The following SNTG1 variants were observed in gnomAD, a reference collection of about 807,000 sequenced individuals.
SNTG1 encodes syntrophin gamma 1, also known as gamma-1-syntrophin.
SNTG1 carries 39 observed loss-of-function variants against 74.7 expected under a neutral mutation model. That is an observed-to-expected ratio of 0.52 (90% CI 0.40 to 0.68). The LOEUF (loss-of-function observed/expected upper bound fraction) is 0.68. Ranked by LOEUF, SNTG1 falls within the 30% of genes least tolerant of loss-of-function variation. The pLI, the probability that SNTG1 is intolerant of heterozygous loss-of-function variation, is 0.00. For missense variants in SNTG1, 685 were observed against 609.5 expected (o/e 1.12, Z -1.30); for synonymous variants, 254 against 217.1 (o/e 1.17, Z -1.49).
At chr8:50,687,720 C>G (rs6992531) in intron 15 of SNTG1, among the ~76,000 whole-genome samples, 15,584 of 152,226 alleles carry the variant, frequency 0.1, 2,243 homozygotes, top group African/African-American at 0.32. Flanking sequence ...ATCCCTCCCC[C>G]CTCGCCCCAC....
intron 4 of SNTG1, among the ~76,000 whole-genome samples, chr8:50,434,267 A>G (rs768113589): frequency 1.3e-5 from 2 of 151,950 alleles, no homozygotes; most frequent in Non-Finnish European, 2.9e-5. Flanking sequence ...TGTGTGCCAC[A>G]TTTTCTTAAT....
At chr8:50,635,032 A>T (rs1378948267) in intron 13 of SNTG1, among the ~76,000 whole-genome samples, 2 of 152,098 alleles carry the variant, frequency 1.3e-5, no homozygotes, top group South Asian at 4.1e-4. Flanking sequence ...GCTCCTCCCA[A>T]ATGTAAAATA....
At chr8:50,780,533 TG>T (rs944444779) in intron 18 of SNTG1, among the ~76,000 whole-genome samples, 46 of 152,232 alleles carry the variant, frequency 3.0e-4, no homozygotes, top group Non-Finnish European at 5.9e-4. Context: ...TGTATTTCTG[TG>T]GGATTGGTGG....
At chr8:50,688,296 A>G (rs1426131363) in intron 15 of SNTG1, among the ~76,000 whole-genome samples, 2 of 152,088 alleles carry the variant, frequency 1.3e-5, no homozygotes, top group African/African-American at 4.8e-5. Context: ...TTTTGTTGCC[A>G]TTGCTTTTGG....
At chr8:50,483,288 A>T (rs2093756051) in intron 8 of SNTG1, among the ~76,000 whole-genome samples, 1 of 152,210 alleles carries the variant, frequency 6.6e-6, no homozygotes, top group Non-Finnish European at 1.5e-5. Context: ...GTGACTATGA[A>T]GTGATAGAAT....
intron 13 of SNTG1, among the ~76,000 whole-genome samples, chr8:50,623,688 TA>T (rs200591252): frequency 0.043 from 6,543 of 152,060 alleles, 242 homozygotes; most frequent in African/African-American, 0.094. Flanking sequence ...TATTTGAAAA[TA>T]TTTGTTTTTA....
intron 13 of SNTG1, 24 bp from the exon 14 acceptor site, chr8:50,656,885 T>G: frequency 6.7e-7 from 1 of 1,484,786 alleles, no homozygotes; most frequent in Non-Finnish European, 9.4e-7. Context: ...TTTTGACAGT[T>G]GATTGTATTC....
At chr8:50,052,102 C>T (rs774672257) in intron 1 of SNTG1, among the ~76,000 whole-genome samples, 12 of 151,588 alleles carry the variant, frequency 7.9e-5, no homozygotes, top group Admixed American at 2.6e-4. Flanking sequence ...GAAACAATTC[C>T]AAAAAGATAG....
At chr8:50,636,187 C>A (rs185523261) in intron 13 of SNTG1, among the ~76,000 whole-genome samples, 1 of 150,866 alleles carries the variant, frequency 6.6e-6, no homozygotes, top group Non-Finnish European at 1.5e-5. Context: ...TCTCCCCTCT[C>A]CTCTCCTCAA....
intron 1 of SNTG1, among the ~76,000 whole-genome samples, chr8:50,142,590 T>C (rs761087013): frequency 1.3e-5 from 2 of 152,040 alleles, no homozygotes; most frequent in Admixed American, 6.6e-5. Flanking sequence ...TTGATAACAT[T>C]GTAGTTAGGT....
At chr8:50,732,617 A>G (rs1279005046) in intron 17 of SNTG1, among the ~76,000 whole-genome samples, 3 of 151,876 alleles carry the variant, frequency 2.0e-5, no homozygotes, top group Admixed American at 1.3e-4. Context: ...ATTTTTATAA[A>G]TGGAATTTCT....
chr8:49,910,478 C>A (rs1805524671), upstream of SNTG1, among the ~76,000 whole-genome samples: 1 of 152,172 alleles, frequency 6.6e-6, no homozygotes, highest in Non-Finnish European at 1.5e-5. Flanking sequence ...TTCAAAGGTC[C>A]ACATGGCCCT....
chr8:50,587,151 G>A (rs897328951), intron 12 of SNTG1, among the ~76,000 whole-genome samples: 8 of 150,268 alleles, frequency 5.3e-5, no homozygotes, highest in African/African-American at 1.9e-4. Context: ...GTATATATAT[G>A]CATATATAAA....
At chr8:50,560,856 TC>T (rs1454711389) in intron 12 of SNTG1, among the ~76,000 whole-genome samples, 3 of 151,852 alleles carry the variant, frequency 2.0e-5, no homozygotes, top group Non-Finnish European at 4.4e-5. Flanking sequence ...CTACACATGT[TC>T]CCCAGAACTT....
At chr8:50,395,945 G>A (rs945680105) in intron 3 of SNTG1, among the ~76,000 whole-genome samples, 5 of 152,152 alleles carry the variant, frequency 3.3e-5, no homozygotes, top group African/African-American at 9.7e-5. Context: ...AGATACTTAT[G>A]GGACACATGA....
intron 4 of SNTG1, among the ~76,000 whole-genome samples, chr8:50,418,796 G>A (rs2093045399): frequency 6.6e-6 from 1 of 152,020 alleles, no homozygotes; most frequent in South Asian, 2.1e-4. Context: ...AAATGGATAT[G>A]TCATCTTTCC....
intron 4 of SNTG1, among the ~76,000 whole-genome samples, chr8:50,431,599 G>A (rs1402001721): frequency 1.3e-5 from 2 of 152,030 alleles, no homozygotes; most frequent in Non-Finnish European, 2.9e-5. Context: ...TTAAGACTAG[G>A]GTTAGCTTTG....
intron 17 of SNTG1, among the ~76,000 whole-genome samples, chr8:50,742,689 T>C (rs1030041517): frequency 3.3e-5 from 5 of 151,172 alleles, no homozygotes; most frequent in African/African-American, 1.2e-4. Context: ...AAGATTATAG[T>C]TGAAAAAAAT....
Position 50,383,921 on chromosome 8 carries a change from A to G in SNTG1, c.-27-10291A>G, listed in dbSNP as rs540144168. On this transcript the variant is annotated intron_variant, in intron 2 of 18. Coordinates refer to ENST00000642720, the MANE Select transcript of SNTG1 (RefSeq NM_018967.5). ...GTCCAAAGTGGCTGGGAGTATCTCA[A>G]CTTCCAATTCAATGAAATCATTGTT... Among the ~76,000 whole-genome samples, 48 of 152,280 alleles carry G rather than the reference A, an allele frequency of 3.2e-4. 2 individuals carry two copies. In the South Asian group the frequency reaches 9.5e-3, roughly 30 times the overall value.
Sources: gnomAD v4.1 joint callset for allele counts (sites outside exome capture counted in the v4.1 genomes callset) on GRCh38, gnomAD v4.1.1 for gene constraint, MANE v1.5 for transcripts, NCBI Gene and HGNC (gene_info 2026-07-23, HGNC 2026-07-21) for gene names.